Variants in NR1H2 observed in about 807,000 individuals in gnomAD.
NR1H2 encodes oxysterols receptor LXR-beta.
A neutral mutation model predicts 51.2 loss-of-function variants in NR1H2; 33 were observed. That is an observed-to-expected ratio of 0.64 (90% CI 0.49 to 0.86). The LOEUF (loss-of-function observed/expected upper bound fraction) is 0.86, where lower values mean the gene tolerates loss of function less well. Ranked by LOEUF, NR1H2 falls within the 40% of genes least tolerant of loss-of-function variation. NR1H2 has a pLI of 0.00. For missense variants in NR1H2, 592 were observed against 639.9 expected (o/e 0.93, Z 0.81); for synonymous variants, 310 against 264.3 (o/e 1.17, Z -1.68).
intron 8 of NR1H2, among the ~76,000 whole-genome samples, chr19:50,381,438 C>G (rs1012362865): frequency 6.6e-6 from 1 of 152,270 alleles, no homozygotes; most frequent in Non-Finnish European, 1.5e-5. Context: ...AGCCCTCTGA[C>G]AGGCTGGGCC....
chr19:50,377,189 G>A (rs1023815086), intron 2 of NR1H2: 3 of 183,264 alleles, frequency 1.6e-5, no homozygotes, highest in African/African-American at 7.1e-5. Context: ...AGGAGGTGGG[G>A]TCAGAATGAG....
rs913827502 is a variant in NR1H2 at position 50,382,733 on chromosome 19, G to A, written c.*131G>A. The A allele has an allele frequency of 2.0e-6, 2 of 986,020 alleles. No homozygotes were observed. Among genetic ancestry groups the A allele is most frequent in the Non-Finnish European group, 2.9e-6 (2 of 689,674 alleles). 61.1% of individuals were successfully genotyped at this position (986,020 alleles called of 1,614,324 possible). ...TAGACCTATCGGCTCTCATCCCTTG[G>A]GATAAGCCCCAGTCCAGGTCCAGGA... On this transcript the variant is annotated 3_prime_UTR_variant, in exon 10 of 10. Transcript: ENST00000253727.
chr19:50,381,516 G>A (rs548063014), intron 8 of NR1H2, among the ~76,000 whole-genome samples: 6 of 152,352 alleles, frequency 3.9e-5, no homozygotes, highest in Non-Finnish European at 8.8e-5. Context: ...AGCCTGGCAC[G>A]TGGCAGGTAC....
chr19:50,377,930 G>C (rs957257596), intron 4 of NR1H2, 60 bp downstream of exon 4: 15 of 1,499,316 alleles, frequency 1.0e-5, no homozygotes, highest in African/African-American at 1.4e-5. Flanking sequence ...AAGGGAGAAA[G>C]AAATAGAAAT....
Position 50,382,838 on chromosome 19 carries a change from C to T in NR1H2, c.*236C>T, listed in dbSNP as rs2037806417. The T allele has an allele frequency of 4.5e-6, 2 of 440,678 alleles. No homozygotes were observed. Among genetic ancestry groups the T allele is most frequent in the African/African-American group, 2.0e-5 (1 of 49,020 alleles). The allele number at this position is 440,678 out of a possible 1,614,324, so 27.3% of individuals were successfully genotyped here. On this transcript the variant is annotated 3_prime_UTR_variant, in exon 10 of 10. Coordinates refer to ENST00000253727, the MANE Select transcript of NR1H2 (RefSeq NM_007121.7). ...CGACCACTGACCCTTCCCGGCTGCC[C>T]TCCCTCCCCAGCTTACACCTCAAGC...
Position 50,382,610 on chromosome 19 carries a change from G to T in NR1H2, c.*8G>T. Reference sequence around the variant, plus strand: ...TGGGACGTCCACGAGTGAGGGGCTGGCCACCCAGCCCCACAGCCTTGCCTG... The same window carrying T: ...TGGGACGTCCACGAGTGAGGGGCTGTCCACCCAGCCCCACAGCCTTGCCTG... On this transcript the variant is annotated 3_prime_UTR_variant, in exon 10 of 10. Transcript: ENST00000253727. 6.4e-7 allele frequency: 1 copy of T among 1,552,550 alleles called. No individual in the cohort carries two copies.
At position 50,382,461 on chromosome 19, in the gene NR1H2, G is replaced by C. The variant is rs551359551; in HGVS notation, c.1242G>C (p.Gln414His). 6.3e-7 allele frequency: 1 copy of C among 1,598,110 alleles called. No individual in the cohort carries two copies. The highest frequency in any genetic ancestry group is 1.1e-5 in the South Asian group (1 of 89,596). ...SYTRIKRPQD[Q>H]LRFPRMLMKL... ...CCACCTGCCTCCTCCCTCAGGACCA[G>C]CTGCGCTTCCCGCGCATGCTCATGA... is the stretch of plus-strand genomic sequence containing the variant. The change falls in exon 10 of 10, where the codon CAG (glutamine) becomes CAC (histidine). Residue 414 changes from glutamine (Q) to histidine (H), a missense_variant. Physicochemically the swap from Gln to His is conservative, Grantham distance 24. Coordinates refer to ENST00000253727, the MANE Select transcript of NR1H2 (RefSeq NM_007121.7).
At chr19:50,378,066 G>A (rs1453899696) in intron 4 of NR1H2, 83 bp from the exon 5 acceptor site, 2 of 1,482,268 alleles carry the variant, frequency 1.3e-6, no homozygotes, top group Non-Finnish European at 1.8e-6. Flanking sequence ...CTGGCTCTTT[G>A]CCTGGGGATC....
At chr19:50,376,963 T>C (rs1311132831) in intron 2 of NR1H2, 137 bp downstream of exon 2, 1 of 90,944 alleles carries the variant, frequency 1.1e-5, no homozygotes, top group Admixed American at 1.3e-4. Flanking sequence ...TGGGAGGAGA[T>C]GTGGCGGGGC....
intron 3 of NR1H2, 42 bp from the exon 4 acceptor site, chr19:50,377,691 C>G: frequency 6.2e-7 from 1 of 1,604,904 alleles, no homozygotes; most frequent in Non-Finnish European, 8.5e-7. Context: ...CACACACGAG[C>G]AGAAGCTCAC....
chr19:50,382,412 G>A, intron 9 of NR1H2, 44 bp from the exon 10 acceptor site: 1 of 1,546,804 alleles, frequency 6.5e-7, no homozygotes, highest in Non-Finnish European at 8.7e-7. Context: ...CCAAAGCCTG[G>A]CAGGGCAGGG....
At chr19:50,382,262 C>T (rs375488205) in intron 9 of NR1H2, 88 bp downstream of exon 9, 21 of 1,365,306 alleles carry the variant, frequency 1.5e-5, no homozygotes, top group Admixed American at 4.8e-5. Flanking sequence ...AGCCACACTG[C>T]CCTCCCCTCC....
chr19:50,378,644 G>A lies in NR1H2; in HGVS notation c.595G>A (p.Ala199Thr). Reference sequence around the variant, plus strand: ...CAGCAGCTCAGCCTCTGGGCCTGGGGCTTCCCCTGGTGGATCTGAGGCAGG... The same window carrying A: ...CAGCAGCTCAGCCTCTGGGCCTGGGACTTCCCCTGGTGGATCTGAGGCAGG... The part of the protein sequence containing the change: ...GSSSSASGPG[A>T]SPGGSEAGSQ... Residue 199 changes from alanine (A) to threonine (T), a missense_variant, in exon 6 of 10, where the codon GCT becomes ACT. Physicochemically the swap from Ala to Thr is moderately conservative, Grantham distance 58 (BLOSUM62 0). Transcript: ENST00000253727. The A allele has an allele frequency of 6.2e-7, 1 of 1,614,004 alleles. No homozygotes were observed. Among genetic ancestry groups the A allele is most frequent in the Non-Finnish European group, 8.5e-7 (1 of 1,180,038 alleles).
At chr19:50,379,731 A>C in intron 7 of NR1H2, 49 bp from the exon 8 acceptor site, 1 of 1,180,670 alleles carries the variant, frequency 8.5e-7, no homozygotes, top group Non-Finnish European at 1.3e-6. Context: ...AGGGACTAGC[A>C]GCTGAAGGGT....
chr19:50,380,957 G>A lies in NR1H2; in HGVS notation c.1028-1009G>A, dbSNP rs545444353. On this transcript the variant is annotated intron_variant, in intron 8 of 9. Transcript: ENST00000253727. ...TTAAGGCTGCCCACTTCCCTCCTCC[G>A]CTCAGAACCCTCCGCGGCTCCCGTC... Among the ~76,000 whole-genome samples the A allele has an allele frequency of 9.2e-5, 14 of 152,230 alleles. No individual in the cohort carries two copies. The East Asian group carries it at 1.5e-3, about 17-fold the overall frequency.
At position 50,382,077 on chromosome 19, in the gene NR1H2, C is replaced by T. The variant is rs1257955304; in HGVS notation, c.1139C>T (p.Ala380Val). The T allele has an allele frequency of 6.4e-7, 1 of 1,551,790 alleles. No homozygotes were observed. Among genetic ancestry groups the T allele is most frequent in the Non-Finnish European group, 8.7e-7 (1 of 1,148,356 alleles). The part of the protein sequence containing the change: ...ALLIAINIFS[A>V]DRPNVQEPGR... ...CTCATCGCCATCAACATCTTCTCGG[C>T]CGACCGGCCCAACGTGCAGGAGCCG... Residue 380 changes from alanine to valine, a missense_variant, in exon 9 of 10, where the codon GCC becomes GTC. Physicochemically the swap from Ala to Val is moderately conservative, Grantham distance 64 (BLOSUM62 0). Transcript: ENST00000253727.
chr19:50,378,159 T>A lies in NR1H2; in HGVS notation c.192T>A (p.Asp64Glu). 6.2e-7 allele frequency: 1 copy of A among 1,608,928 alleles called. No homozygotes were observed. The highest frequency in any genetic ancestry group is 8.5e-7 in the Non-Finnish European group (1 of 1,176,958). ...SACSTDWVIP[D>E]PEEEPERKRK... ...ACCTACCCACCCCAGTCATCCCAGA[T>A]CCCGAAGAGGAACCAGAGCGCAAGC... The change falls in exon 5 of 10, where the codon GAT (aspartate) becomes GAA (glutamate). Residue 64 changes from aspartate to glutamate, a missense_variant. Coordinates refer to ENST00000253727, the MANE Select transcript of NR1H2 (RefSeq NM_007121.7).
chr19:50,382,726 T>TC lies in NR1H2; in HGVS notation c.*127dup. The TC allele has an allele frequency of 1.9e-6, 2 of 1,035,542 alleles. No homozygotes were observed. Among genetic ancestry groups the TC allele is most frequent in the Non-Finnish European group, 2.7e-6 (2 of 731,844 alleles). The allele number at this position is 1,035,542 out of a possible 1,614,324, so 64.1% of individuals were successfully genotyped here. ...GAGCCTGTAGACCTATCGGCTCTCA[T>TC]CCCTTGGGATAAGCCCCAGTCCAGG... On this transcript the variant is annotated 3_prime_UTR_variant, in exon 10 of 10. Coordinates refer to ENST00000253727, the MANE Select transcript of NR1H2 (RefSeq NM_007121.7).
At position 50,382,531 on chromosome 19, in the gene NR1H2, G is replaced by C; in HGVS notation, c.1312G>C (p.Val438Leu). Residue 438 changes from valine to leucine, a missense_variant, in exon 10 of 10, where the codon GTC becomes CTC. Val to Leu is a conservative substitution (Grantham distance 32, BLOSUM62 1). Transcript: ENST00000253727. ...RTLSSVHSEQ[V>L]FALRLQDKKL... ...GCTGAGCTCTGTGCACTCGGAGCAG[G>C]TCTTCGCCTTGCGGCTCCAGGACAA... 2.5e-6 allele frequency: 4 copies of C among 1,609,448 alleles called. No individual in the cohort carries two copies. The highest frequency in any genetic ancestry group is 2.5e-6 in the Non-Finnish European group (3 of 1,177,814).
Sources: gnomAD v4.1 joint callset for allele counts (sites outside exome capture counted in the v4.1 genomes callset) on GRCh38, gnomAD v4.1.1 for gene constraint, MANE v1.5 for transcripts, NCBI Gene and HGNC (gene_info 2026-07-23, HGNC 2026-07-21) for gene names.